Variants in SYN3 observed in about 807,000 individuals in gnomAD.
The protein encoded by SYN3 is synapsin III.
SYN3 carries 35 observed loss-of-function variants against 65.8 expected under a neutral mutation model. The observed-to-expected ratio is 0.53, with a 90% CI of 0.41 to 0.70. The LOEUF is 0.70. Ranked by LOEUF, SYN3 falls within the 30% of genes least tolerant of loss-of-function variation. The pLI is 0.00. For missense variants in SYN3, 680 were observed against 749.0 expected (o/e 0.91, Z 1.08); for synonymous variants, 270 against 292.9 (o/e 0.92, Z 0.80).
At chr22:32,745,606 C>G (rs1343422399) in intron 6 of SYN3, among the ~76,000 whole-genome samples, 1 of 152,178 alleles carries the variant, frequency 6.6e-6, no homozygotes, top group Non-Finnish European at 1.5e-5. Context: ...CTGCACGGCC[C>G]TGGGTTAGTC....
intron 3 of SYN3, among the ~76,000 whole-genome samples, chr22:32,970,007 G>A (rs1218148161): frequency 6.6e-6 from 1 of 152,090 alleles, no homozygotes; most frequent in Non-Finnish European, 1.5e-5. Flanking sequence ...TTCAGTGCAT[G>A]GATTATATCC....
chr22:32,841,563 TG>T (rs2047903256), intron 6 of SYN3, among the ~76,000 whole-genome samples: 1 of 152,050 alleles, frequency 6.6e-6, no homozygotes, highest in South Asian at 2.1e-4. Flanking sequence ...CAGTGTTGGA[TG>T]GGTCGAATTT....
intron 1 of SYN3, among the ~76,000 whole-genome samples, chr22:33,023,318 A>G (rs1006082513): frequency 3.3e-5 from 5 of 152,178 alleles, no homozygotes; most frequent in African/African-American, 7.2e-5. Context: ...GTGGTAGTGA[A>G]TAAGTCTCAT....
intron 6 of SYN3, among the ~76,000 whole-genome samples, chr22:32,642,265 G>A (rs985558233): frequency 2.6e-5 from 4 of 151,440 alleles, no homozygotes; most frequent in Non-Finnish European, 5.9e-5. Flanking sequence ...CTCCAGCCTT[G>A]GGTGACAGAG....
chr22:32,885,272 A>G (rs990826681), intron 4 of SYN3, among the ~76,000 whole-genome samples: 1 of 152,216 alleles, frequency 6.6e-6, no homozygotes, highest in Non-Finnish European at 1.5e-5. Context: ...GCATGAGCTC[A>G]TATCACTGAG....
chr22:32,609,321 CAATA>C (rs1400886280), intron 6 of SYN3, among the ~76,000 whole-genome samples: 1 of 150,714 alleles, frequency 6.6e-6, no homozygotes, highest in Non-Finnish European at 1.5e-5. Flanking sequence ...GACTCTGTCT[CAATA>C]AATGAATAAA....
At position 32,898,718 on chromosome 22, in the gene SYN3, A is replaced by T. The variant is rs187151720; in HGVS notation, c.462-29593T>A. 2.6e-5 allele frequency among the ~76,000 whole-genome samples: 4 copies of T among 152,308 alleles called. No homozygotes were observed. The East Asian group carries it at 7.7e-4, about 29-fold the overall frequency. On this transcript the variant is annotated intron_variant, in intron 4 of 13. Transcript: ENST00000358763. The stretch of plus-strand genomic sequence containing the variant: ...GGAGGGAGGAATTTGGACCATTGAG[A>T]AATGGGCTGGTGTCCTAACTTAGTC...
chr22:32,931,242 T>G (rs542729216), intron 4 of SYN3, 148 bp downstream of exon 4: 229 of 615,246 alleles, frequency 3.7e-4, no homozygotes, highest in Non-Finnish European at 6.0e-4. Context: ...TCATTACTAC[T>G]GCAACCACAC....
chr22:32,818,849 A>G (rs1406355658), intron 6 of SYN3, among the ~76,000 whole-genome samples: 1 of 152,182 alleles, frequency 6.6e-6, no homozygotes, highest in Non-Finnish European at 1.5e-5. Flanking sequence ...CAGTCTGGGT[A>G]AGAATTCCCT....
At chr22:32,676,528 CTTTTTTTTTTTT>C (rs879196572) in intron 6 of SYN3, among the ~76,000 whole-genome samples, 10 of 88,932 alleles carry the variant, frequency 1.1e-4, no homozygotes, top group African/African-American at 4.2e-4. Flanking sequence ...TCTTTTCTTT[CTTTTTTTTTTTT>C]TTTTTTTTTT....
intron 4 of SYN3, among the ~76,000 whole-genome samples, chr22:32,879,380 A>G (rs546300825): frequency 2.5e-4 from 38 of 152,364 alleles, no homozygotes; most frequent in East Asian, 5.8e-4. Flanking sequence ...TGAGTGGCTT[A>G]AAAACAACAA....
chr22:33,039,993 A>C (rs182915827), intron 1 of SYN3, among the ~76,000 whole-genome samples: 1 of 150,770 alleles, frequency 6.6e-6, no homozygotes, highest in East Asian at 2.0e-4. Flanking sequence ...TTGTATTATC[A>C]CTGGTTTCTT....
intron 4 of SYN3, chr22:32,930,956 GA>G (rs1377641673): frequency 6.4e-6 from 1 of 155,572 alleles, no homozygotes; most frequent in Non-Finnish European, 1.4e-5. Flanking sequence ...CATATTGCAG[GA>G]AGTTGAATTT....
At chr22:32,749,834 G>A (rs563596086) in intron 6 of SYN3, among the ~76,000 whole-genome samples, 23 of 152,306 alleles carry the variant, frequency 1.5e-4, no homozygotes, top group Non-Finnish European at 2.4e-4. Context: ...GGAAGAGTGA[G>A]GAGAATAGTT....
chr22:33,040,971 G>A (rs1406429845), intron 1 of SYN3, among the ~76,000 whole-genome samples: 2 of 152,040 alleles, frequency 1.3e-5, no homozygotes, highest in African/African-American at 2.4e-5. Context: ...CTGGAGTGCA[G>A]TGGCATGATC....
chr22:33,041,949 C>T (rs2053972140), intron 1 of SYN3, among the ~76,000 whole-genome samples: 1 of 152,190 alleles, frequency 6.6e-6, no homozygotes, highest in Non-Finnish European at 1.5e-5. Context: ...AACTAAACCA[C>T]TCAGCTGCTA....
At chr22:32,831,582 T>C (rs747879052) in intron 6 of SYN3, among the ~76,000 whole-genome samples, 53 of 152,164 alleles carry the variant, frequency 3.5e-4, no homozygotes, top group Non-Finnish European at 5.7e-4. Context: ...AGGACTAGCA[T>C]ATAATTGGAA....
At chr22:33,049,771 A>G (rs16991717) in intron 1 of SYN3, among the ~76,000 whole-genome samples, 17,204 of 152,192 alleles carry the variant, frequency 0.11, 1,299 homozygotes, top group East Asian at 0.3. Context: ...TCAGGGTCTC[A>G]GCCCATCCAT....
rs149567398 is a variant in SYN3, at chr22:32,750,005, C to A, written c.711+114910G>T. Among the ~76,000 whole-genome samples, 471 of 152,220 alleles carry A rather than the reference C, an allele frequency of 3.1e-3. 8 individuals carry two copies. Among genetic ancestry groups the A allele is most frequent in the East Asian group, 0.023 (121 of 5,172 alleles). ...TGAGCCAGGATTGAAGGAGGGTAGA[C>A]GTAGGGTCAATATCAAGAGTGGTAT... On this transcript the variant is annotated intron_variant, in intron 6 of 13. Transcript: ENST00000358763.
Sources: gnomAD v4.1 joint callset for allele counts (sites outside exome capture counted in the v4.1 genomes callset) on GRCh38, gnomAD v4.1.1 for gene constraint, MANE v1.5 for transcripts, NCBI Gene and HGNC (gene_info 2026-07-23, HGNC 2026-07-21) for gene names.